The following HCN1 variants were observed in gnomAD, a reference collection of about 807,000 sequenced individuals.
HCN1 encodes the protein potassium/sodium hyperpolarization-activated cyclic nucleotide-gated channel 1.
A neutral mutation model predicts 78.9 loss-of-function variants in HCN1; 13 were observed. The observed-to-expected ratio is 0.16, with a 90% CI of 0.11 to 0.26. HCN1 has a LOEUF of 0.26. Ranked by LOEUF, HCN1 falls within the 10% of genes least tolerant of loss-of-function variation. The pLI is 1.00. For synonymous variants in HCN1, 552 were observed against 455.5 expected (o/e 1.21, Z -2.70); for missense variants, 810 against 1,154.3 (o/e 0.70, Z 4.32).
At chr5:45,600,818 T>C (rs1744607252) in intron 2 of HCN1, among the ~76,000 whole-genome samples, 5 of 152,128 alleles carry the variant, frequency 3.3e-5, no homozygotes, top group South Asian at 2.1e-4. Flanking sequence ...AACTTCTATA[T>C]GGGTTAGAGA....
At chr5:45,678,552 T>C (rs1430625027) in intron 1 of HCN1, among the ~76,000 whole-genome samples, 1 of 151,964 alleles carries the variant, frequency 6.6e-6, no homozygotes, top group Non-Finnish European at 1.5e-5. Context: ...AGCCTCCTTC[T>C]ATTTTCATGT....
At chr5:45,637,036 C>T (rs894387827) in intron 2 of HCN1, among the ~76,000 whole-genome samples, 3 of 152,158 alleles carry the variant, frequency 2.0e-5, no homozygotes, top group East Asian at 1.9e-4. Context: ...CTCATTTGAA[C>T]CTTAGATTCT....
rs1453720513 is a variant in HCN1 at position 45,628,988 on chromosome 5, A to C, written c.849+16197T>G. 2.0e-5 allele frequency among the ~76,000 whole-genome samples: 3 copies of C among 151,430 alleles called. No homozygotes were observed. The South Asian group carries it at 6.2e-4, about 31-fold the overall frequency. On this transcript the variant is annotated intron_variant, in intron 2 of 7. Coordinates refer to ENST00000303230, the MANE Select transcript of HCN1 (RefSeq NM_021072.4). ...AACTTCAACTCAAAATAAAAAATAA[A>C]AAAAAAAAAGAAAATAAAAGAAATT...
chr5:45,514,201 C>T (rs904379922), intron 2 of HCN1, among the ~76,000 whole-genome samples: 1 of 152,080 alleles, frequency 6.6e-6, no homozygotes, highest in Non-Finnish European at 1.5e-5. Context: ...TCCATATATC[C>T]TATGAATTCT....
chr5:45,420,032 A>G (rs1740196055), intron 3 of HCN1, among the ~76,000 whole-genome samples: 1 of 152,218 alleles, frequency 6.6e-6, no homozygotes, highest in African/African-American at 2.4e-5. Context: ...AGAGTCAAGA[A>G]ACATTGGCTC....
In HCN1 at chr5:45,260,796, T is replaced by C. The variant is rs530561440; in HGVS notation, c.*1125A>G. ...AAGTCAGAGATCCAAGTCAGCCTTA[T>C]AGGAATTATAAGATAGGCAATTAAT... On this transcript the variant is annotated 3_prime_UTR_variant, in exon 8 of 8. Transcript: ENST00000303230. 8 of 152,566 alleles carry C rather than the reference T, an allele frequency of 5.2e-5. No homozygotes were observed. Among genetic ancestry groups the C allele is most frequent in the African/African-American group, 1.7e-4 (7 of 41,424 alleles). 9.5% of individuals were successfully genotyped at this position (152,566 alleles called of 1,614,324 possible). A position where few individuals can be genotyped will look rare whatever the true frequency, so the allele number is the denominator to read the frequency against.
intron 6 of HCN1, among the ~76,000 whole-genome samples, chr5:45,282,368 T>C (rs1473680514): frequency 3.3e-5 from 5 of 152,172 alleles, no homozygotes; most frequent in Admixed American, 3.3e-4. Context: ...TGAAAATACA[T>C]TGAAAAGTAT....
At chr5:45,553,109 T>C (rs1447273485) in intron 2 of HCN1, among the ~76,000 whole-genome samples, 1 of 151,842 alleles carries the variant, frequency 6.6e-6, no homozygotes, top group Non-Finnish European at 1.5e-5. Flanking sequence ...CTGCCTCCTC[T>C]GAAGGAAAGA....
chr5:45,287,150 G>T (rs899417224), intron 6 of HCN1, among the ~76,000 whole-genome samples: 2 of 151,548 alleles, frequency 1.3e-5, no homozygotes, highest in Non-Finnish European at 2.9e-5. Context: ...GAAGTGGGAA[G>T]AATTCTTATT....
intron 1 of HCN1, among the ~76,000 whole-genome samples, chr5:45,647,346 T>C (rs2112035197): frequency 6.6e-6 from 1 of 152,214 alleles, no homozygotes; most frequent in Admixed American, 6.5e-5. Flanking sequence ...GTAACAGCTA[T>C]TTCACAAAGA....
rs184903754 is a variant in HCN1 at position 45,503,807 on chromosome 5, C to T, written c.850-41800G>A. 1.0e-3 allele frequency among the ~76,000 whole-genome samples: 152 copies of T among 150,150 alleles called. No homozygotes were observed. The East Asian group carries it at 0.025, about 25-fold the overall frequency. On this transcript the variant is annotated intron_variant, in intron 2 of 7. Transcript: ENST00000303230. ...TCCACCCCCTTAACCCTGCCCCAGG[C>T]GGAGTTTCATGCTTGTTGCCCAGGC...
At chr5:45,506,142 T>TTACATTTATCTGCTAAAA (rs1742291044) in intron 2 of HCN1, among the ~76,000 whole-genome samples, 1 of 152,192 alleles carries the variant, frequency 6.6e-6, no homozygotes, top group African/African-American at 2.4e-5. Flanking sequence ...TAGTTACAGA[T>TTACATTTATCTGCTAAAA]TACATTTATC....
chr5:45,381,915 T>C lies in HCN1; in HGVS notation c.1230+14577A>G, dbSNP rs1024014322. ...AATGGCTCCCCATTGAAATGTAAACTAATCAGACAAGGAGATGCCTCCTGA... is the reference window on the plus strand; with the variant it reads ...AATGGCTCCCCATTGAAATGTAAACCAATCAGACAAGGAGATGCCTCCTGA... On this transcript the variant is annotated intron_variant, in intron 4 of 7. Transcript: ENST00000303230. Among the ~76,000 whole-genome samples the C allele has an allele frequency of 6.9e-4, 105 of 152,190 alleles. 1 individual carries two copies. The highest frequency in any genetic ancestry group is 2.5e-3 in the African/African-American group (102 of 41,454).
At chr5:45,323,028 A>G (rs1035755315) in intron 5 of HCN1, among the ~76,000 whole-genome samples, 8 of 151,842 alleles carry the variant, frequency 5.3e-5, no homozygotes, top group African/African-American at 1.9e-4. Context: ...ACGTTAACCC[A>G]TTTAAGCTTA....
intron 1 of HCN1, among the ~76,000 whole-genome samples, chr5:45,677,292 C>G (rs1739583783): frequency 6.6e-6 from 1 of 151,788 alleles, no homozygotes; most frequent in African/African-American, 2.4e-5. Flanking sequence ...CTTCACTGCT[C>G]TACTCTGGTT....
At chr5:45,300,891 G>A (rs1204087130) in intron 6 of HCN1, among the ~76,000 whole-genome samples, 1 of 152,064 alleles carries the variant, frequency 6.6e-6, no homozygotes, top group Non-Finnish European at 1.5e-5. Context: ...AAAAGGCTAA[G>A]GGGCCAATGA....
intron 1 of HCN1, among the ~76,000 whole-genome samples, chr5:45,672,107 T>C (rs1033986660): frequency 6.6e-6 from 1 of 151,560 alleles, no homozygotes; most frequent in African/African-American, 2.4e-5. Context: ...TGCACCTACA[T>C]GTATAAATTG....
chr5:45,267,852 C>T (rs1744891985), intron 6 of HCN1, among the ~76,000 whole-genome samples: 1 of 151,962 alleles, frequency 6.6e-6, no homozygotes, highest in South Asian at 2.1e-4. Flanking sequence ...CTTATCCTTC[C>T]CACTCCAATC....
At chr5:45,528,202 C>T (rs1264874184) in intron 2 of HCN1, among the ~76,000 whole-genome samples, 1 of 151,830 alleles carries the variant, frequency 6.6e-6, no homozygotes, top group Non-Finnish European at 1.5e-5. Flanking sequence ...ACTTTTCCTT[C>T]AAATATCTGT....
Sources: gnomAD v4.1 joint callset for allele counts (sites outside exome capture counted in the v4.1 genomes callset) on GRCh38, gnomAD v4.1.1 for gene constraint, MANE v1.5 for transcripts, NCBI Gene and HGNC (gene_info 2026-07-23, HGNC 2026-07-21) for gene names.